Variants in EXOC6 observed in about 807,000 individuals in gnomAD.
The protein encoded by EXOC6 is exocyst complex component 6, also known as SEC15-like 1.
A neutral mutation model predicts 112.5 loss-of-function variants in EXOC6; 60 were observed. The ratio of observed to expected loss-of-function variants is 0.53; its 90% CI spans 0.43 to 0.66. EXOC6 has a LOEUF of 0.66. EXOC6 is among the 30% of genes least tolerant of loss of function. EXOC6 has a pLI of 0.00. For synonymous variants in EXOC6, 295 were observed against 308.0 expected (o/e 0.96, Z 0.44); for missense variants, 855 against 957.1 (o/e 0.89, Z 1.41).
intron 17 of EXOC6, among the ~76,000 whole-genome samples, chr10:92,973,016 T>C (rs1842360382): frequency 6.6e-6 from 1 of 152,222 alleles, no homozygotes; most frequent in Non-Finnish European, 1.5e-5. Context: ...TTTGTCCCAG[T>C]TGTTACCTAC....
At chr10:93,002,616 G>A (rs1590017160) in intron 19 of EXOC6, among the ~76,000 whole-genome samples, 1 of 152,098 alleles carries the variant, frequency 6.6e-6, no homozygotes, top group Non-Finnish European at 1.5e-5. Context: ...TATCTATTTA[G>A]GTCAATTATT....
chr10:92,844,021 C>G (rs567813895), upstream of EXOC6, among the ~76,000 whole-genome samples: 4 of 142,690 alleles, frequency 2.8e-5, no homozygotes, highest in Non-Finnish European at 1.5e-5. Flanking sequence ...CGTGGTGGCA[C>G]GTGCCTGTAG....
At chr10:92,952,244 A>G (rs761890698) in intron 14 of EXOC6, 29 bp from the exon 15 acceptor site, 1 of 1,438,618 alleles carries the variant, frequency 7.0e-7, no homozygotes, top group Non-Finnish European at 9.6e-7. Flanking sequence ...TAAAATTTCA[A>G]AAACAATATT....
At position 93,021,314 on chromosome 10, in the gene EXOC6, T is replaced by TAAAAC. The variant is rs143946155; in HGVS notation, c.2169+7061_2169+7065dup. Among the ~76,000 whole-genome samples, 1,280 of 152,216 alleles carry TAAAAC rather than the reference T, an allele frequency of 8.4e-3. 7 individuals are homozygous for TAAAAC. Among genetic ancestry groups the TAAAAC allele is most frequent in the Non-Finnish European group, 0.013 (903 of 68,006 alleles). On this transcript the variant is annotated intron_variant, in intron 20 of 21. Coordinates refer to ENST00000260762, the MANE Select transcript of EXOC6 (RefSeq NM_019053.6). The stretch of plus-strand genomic sequence containing the variant: ...GGGCAACATAGCAAGACCCTACCTC[T>TAAAAC]AAAACAAAACAAAACAAACCAAACA...
At chr10:92,970,755 T>C (rs1009178012) in intron 17 of EXOC6, among the ~76,000 whole-genome samples, 1 of 152,256 alleles carries the variant, frequency 6.6e-6, no homozygotes, top group African/African-American at 2.4e-5. Flanking sequence ...ATTCTTGTTC[T>C]AATCCTACTG....
At chr10:93,044,434 A>G (rs546849729) in intron 20 of EXOC6, among the ~76,000 whole-genome samples, 71 of 152,278 alleles carry the variant, frequency 4.7e-4, no homozygotes, top group South Asian at 4.1e-3. Context: ...CCTAAATACA[A>G]ATACTAACTG....
At chr10:92,887,217 C>T (rs1387081502) in intron 1 of EXOC6, among the ~76,000 whole-genome samples, 1 of 151,820 alleles carries the variant, frequency 6.6e-6, no homozygotes, top group Non-Finnish European at 1.5e-5. Flanking sequence ...TTGTTTTTTT[C>T]CTCATTCCAG....
At chr10:93,003,710 C>T (rs923777936) in intron 19 of EXOC6, among the ~76,000 whole-genome samples, 21 of 152,200 alleles carry the variant, frequency 1.4e-4, no homozygotes, top group African/African-American at 4.8e-4. Context: ...TGTAATAGAG[C>T]ATAATTAATT....
chr10:93,000,133 C>T (rs59866832), intron 19 of EXOC6, among the ~76,000 whole-genome samples: 2,264 of 152,304 alleles, frequency 0.015, 59 homozygotes, highest in African/African-American at 0.052. Flanking sequence ...ACATATCCCC[C>T]ATGGGTAAGA....
chr10:92,974,540 G>GCTCGTCTCCCTCTCCCTCTCCCTCTCC (rs1842418566), intron 18 of EXOC6, among the ~76,000 whole-genome samples: 2 of 112,510 alleles, frequency 1.8e-5, no homozygotes, highest in East Asian at 2.8e-4. Context: ...TAACACAATT[G>GCTCGTCTCCCTCTCCCTCTCCCTCTCC]CTCGTCTCCC....
At chr10:92,861,666 G>C (rs997232770) in intron 1 of EXOC6, among the ~76,000 whole-genome samples, 3 of 152,154 alleles carry the variant, frequency 2.0e-5, no homozygotes, top group Admixed American at 6.5e-5. Flanking sequence ...CCACTGGGTA[G>C]ATCTGTCACC....
intron 17 of EXOC6, among the ~76,000 whole-genome samples, chr10:92,964,032 A>G (rs1317392001): frequency 6.6e-6 from 1 of 151,920 alleles, no homozygotes. Context: ...GTAATATATA[A>G]TGAAAAAACC....
At chr10:93,020,196 A>G (rs1005345872) in intron 20 of EXOC6, among the ~76,000 whole-genome samples, 1 of 152,128 alleles carries the variant, frequency 6.6e-6, no homozygotes, top group Non-Finnish European at 1.5e-5. Context: ...TTTTTTAGCT[A>G]CAAGTCTCCA....
chr10:92,843,916 G>A (rs1304001423), upstream of EXOC6, among the ~76,000 whole-genome samples: 1 of 145,242 alleles, frequency 6.9e-6, no homozygotes, highest in Non-Finnish European at 1.5e-5. Context: ...GGTGGAGGCT[G>A]CAGTGAGCCG....
At chr10:92,863,928 CAAAACAAA>C (rs1235856966) in intron 1 of EXOC6, among the ~76,000 whole-genome samples, 10 of 135,076 alleles carry the variant, frequency 7.4e-5, no homozygotes, top group Non-Finnish European at 1.1e-4. Context: ...AAAAAAAAAA[CAAAACAAA>C]AAAACAAAAA....
At chr10:92,835,362 C>A (rs1846629805) in intron 1 of EXOC6, among the ~76,000 whole-genome samples, 1 of 151,984 alleles carries the variant, frequency 6.6e-6, no homozygotes, top group Non-Finnish European at 1.5e-5. Context: ...AAAATAGCTT[C>A]TTTGGTAATG....
intron 18 of EXOC6, among the ~76,000 whole-genome samples, chr10:92,986,101 T>A (rs1286393372): frequency 6.6e-6 from 1 of 152,168 alleles, no homozygotes; most frequent in Non-Finnish European, 1.5e-5. Flanking sequence ...AAATGATATA[T>A]TGTGAACTGT....
chr10:92,942,938 T>TGA (rs1168707875), intron 13 of EXOC6, among the ~76,000 whole-genome samples: 1 of 152,146 alleles, frequency 6.6e-6, no homozygotes. Flanking sequence ...GGAGAACAAA[T>TGA]GATAGCATGT....
chr10:92,961,324 A>G (rs887922141), intron 17 of EXOC6, among the ~76,000 whole-genome samples: 3 of 152,182 alleles, frequency 2.0e-5, no homozygotes, highest in Admixed American at 1.3e-4. Context: ...AAGGCAATGT[A>G]TATGACATTT....
Sources: gnomAD v4.1 joint callset for allele counts (sites outside exome capture counted in the v4.1 genomes callset) on GRCh38, gnomAD v4.1.1 for gene constraint, MANE v1.5 for transcripts, NCBI Gene and HGNC (gene_info 2026-07-23, HGNC 2026-07-21) for gene names.